The following DMRT2 variants were observed in gnomAD, a reference collection of about 807,000 sequenced individuals.
DMRT2 encodes doublesex and mab-3 related transcription factor 2.
A neutral mutation model predicts 43.5 loss-of-function variants in DMRT2; 33 were observed. The observed-to-expected ratio is 0.76, with a 90% confidence interval of 0.58 to 1.01. The LOEUF (loss-of-function observed/expected upper bound fraction) is 1.01. DMRT2 is among the 50% of genes least tolerant of loss of function. The pLI is 0.00. For missense variants in DMRT2, 1,064 were observed against 748.0 expected, an observed-to-expected ratio of 1.42 and a Z score of -4.93; for synonymous variants, 395 against 309.2, an observed-to-expected ratio of 1.28 and a Z score of -2.91.
In DMRT2 at chr9:1,057,531, C is replaced by G. The variant is rs746703928; in HGVS notation, c.*258C>G. ...GCATTTCAAAAAGCAATAAAATTGACACTGTCTTCTCAAAGACCCAATATT... is the reference window on the plus strand; with the variant it reads ...GCATTTCAAAAAGCAATAAAATTGAGACTGTCTTCTCAAAGACCCAATATT... On this transcript the variant is annotated 3_prime_UTR_variant, in exon 4 of 4. Coordinates refer to ENST00000358146, the MANE Select transcript of DMRT2 (RefSeq NM_181872.6). 2.5e-6 allele frequency: 1 copy of G among 397,774 alleles called. No homozygotes were observed. The highest frequency in any genetic ancestry group is 4.5e-6 in the Non-Finnish European group (1 of 224,522). The allele number at this position is 397,774 out of a possible 1,614,324, so 24.6% of individuals were successfully genotyped here.
At chr9:1,054,874 G>C (rs986550840) in intron 3 of DMRT2, among the ~76,000 whole-genome samples, 1 of 150,952 alleles carries the variant, frequency 6.6e-6, no homozygotes, top group Non-Finnish European at 1.5e-5. Flanking sequence ...ACAGGTTTGT[G>C]TGTGTCCTAT....
At chr9:1,054,470 T>A (rs1356522451) in intron 3 of DMRT2, among the ~76,000 whole-genome samples, 1 of 152,004 alleles carries the variant, frequency 6.6e-6, no homozygotes, top group Non-Finnish European at 1.5e-5. Context: ...ATTTTTACCA[T>A]TTTTTGACAG....
At chr9:1,053,143 C>A (rs1821724467) in intron 2 of DMRT2, 1 of 152,380 alleles carries the variant, frequency 6.6e-6, no homozygotes, top group East Asian at 1.9e-4. Flanking sequence ...CAGAATCCCA[C>A]CAGCTGGTGG....
chr9:1,051,447 T>TCCA lies in DMRT2; in HGVS notation c.-44-123_-44-122insCCA, dbSNP rs1209505718. 1 of 1,152,894 alleles carries TCCA rather than the reference T, an allele frequency of 8.7e-7. No individual in the cohort carries two copies. The highest frequency in any genetic ancestry group is 3.8e-5 in the Admixed American group (1 of 26,508). 71.4% of individuals were successfully genotyped at this position (1,152,894 alleles called of 1,614,324 possible). On this transcript the variant is annotated intron_variant, in intron 1 of 3. Coordinates refer to ENST00000358146, the MANE Select transcript of DMRT2 (RefSeq NM_181872.6). The surrounding 1 kb of genome is among the most constrained non-coding windows in gnomAD (Gnocchi z 5.9). ...ACGTGTGGCCTGGAAGTGAGGGACA[T>TCCA]GTAATGAGAACAGGATGACTCAAGC...
In DMRT2 at chr9:1,052,086, G is replaced by A; in HGVS notation, c.473G>A (p.Arg158Gln). Residue 158 changes from arginine (R) to glutamine (Q), a missense_variant, in exon 2 of 4, where the codon CGG becomes CAG. Physicochemically the swap from Arg to Gln is conservative, Grantham distance 43 (BLOSUM62 1). Coordinates refer to ENST00000358146, the MANE Select transcript of DMRT2 (RefSeq NM_181872.6). Reference sequence around the variant, plus strand: ...GCCAACTGCCTGCTGGTGGTGGAGCGGCAGCGCGTCATGGCCGCCCAGGTG... The same window carrying A: ...GCCAACTGCCTGCTGGTGGTGGAGCAGCAGCGCGTCATGGCCGCCCAGGTG... ...QCANCLLVVERQRVMAAQVAL... is the reference protein window; with the variant it reads ...QCANCLLVVEQQRVMAAQVAL... 1 of 1,454,650 alleles carries A rather than the reference G, an allele frequency of 6.9e-7. No individual in the cohort carries two copies. The highest frequency in any genetic ancestry group is 3.0e-5 in the East Asian group (1 of 33,450). 90.1% of individuals were successfully genotyped at this position (1,454,650 alleles called of 1,614,324 possible).
intron 3 of DMRT2, among the ~76,000 whole-genome samples, chr9:1,055,051 G>A (rs972386776): frequency 6.6e-6 from 1 of 152,166 alleles, no homozygotes; most frequent in South Asian, 2.1e-4. Flanking sequence ...TTACAAACTG[G>A]ATAAACAGAT....
chr9:1,054,285 C>T (rs1274713486), intron 3 of DMRT2, among the ~76,000 whole-genome samples: 1 of 152,200 alleles, frequency 6.6e-6, no homozygotes, highest in Admixed American at 6.5e-5. Context: ...ACAACCACGT[C>T]CACTTTTCTT....
chr9:1,053,932 G>A, intron 3 of DMRT2, 108 bp downstream of exon 3: 1 of 909,840 alleles, frequency 1.1e-6, no homozygotes, highest in South Asian at 2.1e-5. Context: ...TAAAGGGAAA[G>A]TACTTTTTAT....
Position 1,051,690 on chromosome 9 carries a change from T to A in DMRT2, c.77T>A (p.Val26Asp). The A allele has an allele frequency of 6.4e-7, 1 of 1,561,116 alleles. No individual in the cohort carries two copies. Among genetic ancestry groups the A allele is most frequent in the Non-Finnish European group, 8.6e-7 (1 of 1,160,824 alleles). ...GAGAGCCTGGAGCTGGAAGAGGACGTCTGCGGGGCGCCGCGGTCCACGCCC... is the reference window on the plus strand; with the variant it reads ...GAGAGCCTGGAGCTGGAAGAGGACGACTGCGGGGCGCCGCGGTCCACGCCC... The part of the protein sequence containing the change: ...DVESLELEED[V>D]CGAPRSTPPG... Residue 26 changes from valine to aspartate, a missense_variant, in exon 2 of 4, where the codon GTC becomes GAC. Transcript: ENST00000358146. This position sits in a 1 kb window ranked among gnomAD's most constrained non-coding sequence, Gnocchi z 5.9.
At chr9:1,053,390 C>T (rs1821749092) in intron 2 of DMRT2, among the ~76,000 whole-genome samples, 1 of 152,208 alleles carries the variant, frequency 6.6e-6, no homozygotes, top group Non-Finnish European at 1.5e-5. Flanking sequence ...TCGGGTGCCC[C>T]CCTGAAAGGG....
chr9:1,055,297 C>T (rs1323578959), intron 3 of DMRT2, among the ~76,000 whole-genome samples: 1 of 152,128 alleles, frequency 6.6e-6, no homozygotes, highest in East Asian at 1.9e-4. Flanking sequence ...GAGGTGAGTG[C>T]TTGGGGGTGA....
In DMRT2 at chr9:1,056,317, G is replaced by T; in HGVS notation, c.730G>T (p.Glu244Ter). The T allele has an allele frequency of 1.2e-6, 2 of 1,614,198 alleles. No individual in the cohort carries two copies. Among genetic ancestry groups the T allele is most frequent in the Non-Finnish European group, 8.5e-7 (1 of 1,180,036 alleles). Residue 244 changes from glutamate (E) to a stop codon, truncating the protein, a stop_gained, in exon 4 of 4, where the codon GAG becomes TAG. Coordinates refer to ENST00000358146, the MANE Select transcript of DMRT2 (RefSeq NM_181872.6). LOFTEE classifies it high-confidence loss of function. ...GAAAAGAAGAGCCTTTGCTGATAAA[G>T]AGTTGGAGAACATTATGCTGGAGAG... ...MRKRRAFADK[E>*]LENIMLEREY...
intron 3 of DMRT2, chr9:1,054,703 G>C (rs1200796304): frequency 6.6e-6 from 1 of 151,522 alleles, no homozygotes; most frequent in African/African-American, 2.4e-5. Flanking sequence ...ATTTTTAACC[G>C]TTTCTCTTTA....
At chr9:1,055,406 T>A (rs188472874) in intron 3 of DMRT2, among the ~76,000 whole-genome samples, 2 of 152,376 alleles carry the variant, frequency 1.3e-5, no homozygotes, top group Admixed American at 1.3e-4. Flanking sequence ...ACTTAGCCTG[T>A]GTTTTAATGA....
At position 1,050,381 on chromosome 9, in the gene DMRT2, G is replaced by T. The variant is rs910097489; in HGVS notation, c.-439G>T. On this transcript the variant is annotated 5_prime_UTR_variant, in exon 1 of 4. Transcript: ENST00000358146. ...CAGTGGCGCTGCGCTGAATGCAACT[G>T]CGCGCGCCCGCCGGGTGAGCCAGCG... is the stretch of plus-strand genomic sequence containing the variant. 6.6e-6 allele frequency: 1 copy of T among 152,244 alleles called. No individual in the cohort carries two copies. Among genetic ancestry groups the T allele is most frequent in the Non-Finnish European group, 1.5e-5 (1 of 68,080 alleles). The allele number at this position is 152,244 out of a possible 1,614,324, so 9.4% of individuals were successfully genotyped here. A position where few individuals can be genotyped will look rare whatever the true frequency, so the allele number is the denominator to read the frequency against.
chr9:1,055,764 A>G, intron 3 of DMRT2: 1 of 1,504,324 alleles, frequency 6.6e-7, no homozygotes, highest in Non-Finnish European at 9.0e-7. Flanking sequence ...TACATAATGA[A>G]CCATCTTTAG....
At chr9:1,054,767 C>G (rs1017223200) in intron 3 of DMRT2, 1 of 152,182 alleles carries the variant, frequency 6.6e-6, no homozygotes, top group African/African-American at 2.4e-5. Context: ...ATCACTGCCA[C>G]TTCATGAAAT....
chr9:1,051,568 A>G lies in DMRT2; in HGVS notation c.-44-2A>G. ...TCTTTGGATTTCTTTGTGTTTCCCC[A>G]GAGTGAGGGCCGCCAGGCTCAGGCC... On this transcript the variant is annotated splice_acceptor_variant, in intron 1 of 3. Coordinates refer to ENST00000358146, the MANE Select transcript of DMRT2 (RefSeq NM_181872.6). LOFTEE classifies it low-confidence loss of function (5UTR_SPLICE). This position sits in a 1 kb window ranked among gnomAD's most constrained non-coding sequence, Gnocchi z 5.9. 2 of 1,472,110 alleles carry G rather than the reference A, an allele frequency of 1.4e-6. No homozygotes were observed. Among genetic ancestry groups the G allele is most frequent in the Non-Finnish European group, 8.9e-7 (1 of 1,122,182 alleles). The allele number at this position is 1,472,110 out of a possible 1,614,324, so 91.2% of individuals were successfully genotyped here. A position where few individuals can be genotyped will look rare whatever the true frequency, so the allele number is the denominator to read the frequency against.
In DMRT2 at chr9:1,056,139, G is replaced by T; in HGVS notation, c.629-77G>T. On this transcript the variant is annotated intron_variant, in intron 3 of 3. Coordinates refer to ENST00000358146, the MANE Select transcript of DMRT2 (RefSeq NM_181872.6). ...AATTGTTCTGCTGATCTGTAGTGTT[G>T]CTGTTACCTTCTGGGTTTCCACATT... 3.9e-6 allele frequency: 6 copies of T among 1,528,212 alleles called. No homozygotes were observed. The South Asian group carries it at 8.0e-5, about 20-fold the overall frequency. 94.7% of individuals were successfully genotyped at this position (1,528,212 alleles called of 1,614,324 possible).
Sources: gnomAD v4.1 joint callset for allele counts (sites outside exome capture counted in the v4.1 genomes callset) on GRCh38, gnomAD v4.1.1 for gene constraint, Gnocchi (gnomAD v3.1) non-coding constraint, MANE v1.5 for transcripts, NCBI Gene and HGNC (gene_info 2026-07-23, HGNC 2026-07-21) for gene names.